The following NOL9 variants were observed in gnomAD, a reference collection of about 807,000 sequenced individuals.
NOL9 encodes the protein polynucleotide 5'-hydroxyl-kinase NOL9.
NOL9 carries 28 observed loss-of-function variants against 67.9 expected under a neutral mutation model. The ratio of observed to expected loss-of-function variants is 0.41; its 90% CI spans 0.31 to 0.57. The LOEUF (loss-of-function observed/expected upper bound fraction) is 0.57, where lower values mean the gene tolerates loss of function less well. NOL9 is among the 20% of genes least tolerant of loss of function. The pLI is 0.25. For missense variants in NOL9, 777 were observed against 897.0 expected (o/e 0.87, Z 1.71); for synonymous variants, 356 against 352.2 (o/e 1.01, Z -0.12).
intron 6 of NOL9, among the ~76,000 whole-genome samples, chr1:6,539,517 G>T (rs4908913): frequency 1.3e-5 from 2 of 152,132 alleles, no homozygotes; most frequent in African/African-American, 4.8e-5. Flanking sequence ...GAATCTCACT[G>T]TTTGTCACCC....
At chr1:6,534,783 GTCTCTC>G (rs748313094) in intron 6 of NOL9, among the ~76,000 whole-genome samples, 1 of 152,016 alleles carries the variant, frequency 6.6e-6, no homozygotes, top group African/African-American at 2.4e-5. Context: ...ATGGCTCTCT[GTCTCTC>G]TCTCTTTCTC....
intron 3 of NOL9, 133 bp downstream of exon 3, chr1:6,549,438 C>T (rs1462706325): frequency 8.5e-6 from 8 of 946,726 alleles, no homozygotes; most frequent in Non-Finnish European, 1.2e-5. Context: ...TCCGTATACA[C>T]GTATTACATT....
intron 9 of NOL9, among the ~76,000 whole-genome samples, chr1:6,529,782 C>T (rs974878437): frequency 6.6e-6 from 1 of 151,744 alleles, no homozygotes; most frequent in African/African-American, 2.4e-5. Flanking sequence ...AAAAATTAGC[C>T]AGGGATGGTG....
chr1:6,549,336 C>T, intron 3 of NOL9: 1 of 408,684 alleles, frequency 2.4e-6, no homozygotes, highest in South Asian at 3.3e-5. Flanking sequence ...CCAAAAAGCA[C>T]TTAACCAACT....
intron 3 of NOL9, among the ~76,000 whole-genome samples, chr1:6,547,689 T>C (rs961466986): frequency 7.9e-5 from 12 of 151,716 alleles, no homozygotes; most frequent in Non-Finnish European, 1.8e-4. Flanking sequence ...ATCCTATCTC[T>C]ACAAAAACTA....
chr1:6,551,285 G>C (rs1639538114), intron 1 of NOL9, among the ~76,000 whole-genome samples: 1 of 151,760 alleles, frequency 6.6e-6, no homozygotes, highest in South Asian at 2.1e-4. Context: ...CACTCCATCA[G>C]TAATAAGTAT....
intron 9 of NOL9, among the ~76,000 whole-genome samples, chr1:6,529,796 C>T (rs374115233): frequency 6.0e-5 from 9 of 150,704 alleles, no homozygotes; most frequent in East Asian, 2.0e-4. Flanking sequence ...GATGGTGGTG[C>T]GTGCCTGTAG....
At position 6,525,848 on chromosome 1, in the gene NOL9, C is replaced by A. The variant is rs12142404; in HGVS notation, c.*6G>T. The A allele has an allele frequency of 6.2e-7, 1 of 1,613,736 alleles. No homozygotes were observed. The highest frequency in any genetic ancestry group is 2.2e-5 in the East Asian group (1 of 44,880). ...AAAGTTTCTTCCCTTATTAAAAACGCGAGCATCACTTCATTTTTCGACAGA... is the reference window on the plus strand; with the variant it reads ...AAAGTTTCTTCCCTTATTAAAAACGAGAGCATCACTTCATTTTTCGACAGA... On this transcript the variant is annotated 3_prime_UTR_variant, in exon 12 of 12. Coordinates refer to ENST00000377705, the MANE Select transcript of NOL9 (RefSeq NM_024654.5).
At position 6,523,658 on chromosome 1, in the gene NOL9, G is replaced by A. The variant is rs375162598; in HGVS notation, c.*2196C>T. On this transcript the variant is annotated 3_prime_UTR_variant, in exon 12 of 12. Coordinates refer to ENST00000377705, the MANE Select transcript of NOL9 (RefSeq NM_024654.5). ...GGATGAATTGTCATCCTGGAGAATG[G>A]TGCTGCTGCAGGTCTGACCGGCACA... The A allele has an allele frequency of 6.6e-6, 1 of 151,656 alleles. No homozygotes were observed. The highest frequency in any genetic ancestry group is 1.5e-5 in the Non-Finnish European group (1 of 68,130). 9.4% of individuals were successfully genotyped at this position (151,656 alleles called of 1,614,324 possible).
chr1:6,522,535 G>T lies in NOL9; in HGVS notation c.*3319C>A, dbSNP rs1557777987. 6.6e-6 allele frequency: 1 copy of T among 151,822 alleles called. No homozygotes were observed. Among genetic ancestry groups the T allele is most frequent in the African/African-American group, 2.4e-5 (1 of 41,282 alleles). The allele number at this position is 151,822 out of a possible 1,614,324, so 9.4% of individuals were successfully genotyped here. ...ACTGCACTCCAGCCTTGGCGACAGA[G>T]AGTCCGTCGCAAAAGAAAAAAACAA... On this transcript the variant is annotated 3_prime_UTR_variant, in exon 12 of 12. Transcript: ENST00000377705.
chr1:6,532,496 G>A lies in NOL9; in HGVS notation c.1502C>T (p.Thr501Ile), dbSNP rs1570046495. 6.2e-7 allele frequency: 1 copy of A among 1,614,014 alleles called. No homozygotes were observed. Among genetic ancestry groups the A allele is most frequent in the South Asian group, 1.1e-5 (1 of 91,068 alleles). Reference sequence around the variant, plus strand: ...TGGAGTTATTCTGAATGCAAAGTCTGTATAAACACCTATCAGTTTATGTCC... The same window carrying A: ...TGGAGTTATTCTGAATGCAAAGTCTATATAAACACCTATCAGTTTATGTCC... ...FTGHKLIGVY[T>I]DFAFRITPRN... The change falls in exon 8 of 12, where the codon ACA becomes ATA. Residue 501 changes from threonine to isoleucine, a missense_variant. Thr to Ile is a moderately conservative substitution (Grantham distance 89, BLOSUM62 -1). This residue lies in a region of NOL9 where 413 missense variants were observed against 552.6 expected (regional missense o/e 0.75). Transcript: ENST00000377705.
intron 6 of NOL9, among the ~76,000 whole-genome samples, chr1:6,535,724 C>T (rs1349863590): frequency 4.6e-5 from 7 of 152,078 alleles, no homozygotes; most frequent in South Asian, 2.1e-4. Flanking sequence ...GTCGGGAGTT[C>T]GAGACCAGCC....
At chr1:6,543,298 C>T (rs1378212450) in intron 5 of NOL9, among the ~76,000 whole-genome samples, 2 of 152,036 alleles carry the variant, frequency 1.3e-5, no homozygotes, top group African/African-American at 4.8e-5. Flanking sequence ...CAGGTTCACG[C>T]CATTCTCCTG....
In NOL9 at chr1:6,525,572, G is replaced by A; in HGVS notation, c.*282C>T. On this transcript the variant is annotated 3_prime_UTR_variant, in exon 12 of 12. Transcript: ENST00000377705. ...TAACCAGGTCCCTGAAGAACTTTCT[G>A]AGGAATCTCTGTTTTAATGGCACAC... 1 of 370,316 alleles carries A rather than the reference G, an allele frequency of 2.7e-6. No individual in the cohort carries two copies. The highest frequency in any genetic ancestry group is 4.8e-5 in the East Asian group (1 of 21,004). 22.9% of individuals were successfully genotyped at this position (370,316 alleles called of 1,614,324 possible).
chr1:6,540,078 C>T (rs975597897), intron 6 of NOL9, among the ~76,000 whole-genome samples: 3 of 146,694 alleles, frequency 2.0e-5, no homozygotes, highest in Admixed American at 6.8e-5. Flanking sequence ...CTCTCCCTCC[C>T]GGGTTCAAGC....
At position 6,554,291 on chromosome 1, in the gene NOL9, C is replaced by A. The variant is rs1300271055; in HGVS notation, c.212G>T (p.Arg71Leu). ...DWREGARQVSRAAAARRPNTA... is the reference protein window; with the variant it reads ...DWREGARQVSLAAAARRPNTA... The stretch of plus-strand genomic sequence containing the variant: ...GTTGGGTCTCCGGGCCGCCGCCGCG[C>A]GCGACACCTGGCGGGCTCCCTCCCT... The change falls in exon 1 of 12, where the codon CGC becomes CTC. Residue 71 changes from arginine (R) to leucine (L), a missense_variant. Around this residue, in one of 2 missense-constraint regions of NOL9, gnomAD observed 364 missense variants for 344.4 expected, o/e 1.06. Transcript: ENST00000377705. The A allele has an allele frequency of 6.8e-7, 1 of 1,474,672 alleles. No individual in the cohort carries two copies. Among genetic ancestry groups the A allele is most frequent in the South Asian group, 1.3e-5 (1 of 74,454 alleles). The allele number at this position is 1,474,672 out of a possible 1,614,324, so 91.3% of individuals were successfully genotyped here. A position where few individuals can be genotyped will look rare whatever the true frequency, so the allele number is the denominator to read the frequency against.
At chr1:6,553,217 C>T (rs568898673) in intron 1 of NOL9, among the ~76,000 whole-genome samples, 2 of 152,334 alleles carry the variant, frequency 1.3e-5, no homozygotes, top group African/African-American at 4.8e-5. Flanking sequence ...GACTCTACCA[C>T]TCTGTCCTTT....
intron 9 of NOL9, 30 bp from the exon 10 acceptor site, chr1:6,529,201 T>C: frequency 6.3e-7 from 1 of 1,594,582 alleles, no homozygotes; most frequent in Non-Finnish European, 8.6e-7. Context: ...CTCACTCTAT[T>C]CATGGCTACT....
intron 3 of NOL9, among the ~76,000 whole-genome samples, chr1:6,548,794 A>C (rs182507385): frequency 2.0e-5 from 3 of 152,074 alleles, no homozygotes; most frequent in Non-Finnish European, 2.9e-5. Flanking sequence ...TAAAAACCCC[A>C]AAAAAGGCCA....
Sources: allele counts gnomAD v4.1 joint callset (sites outside exome capture counted in the v4.1 genomes callset), GRCh38; gene constraint gnomAD v4.1.1; regional missense constraint gnomAD v4.1.1; transcripts MANE v1.5; gene names NCBI Gene and HGNC (gene_info 2026-07-23, HGNC 2026-07-21).